Variants in PAWR observed in about 807,000 individuals in gnomAD.
PAWR encodes pro-apoptotic WT1 regulator.
Under a neutral mutation model 32.0 loss-of-function variants are expected in PAWR, and 23 were observed. The ratio of observed to expected loss-of-function variants is 0.72; its 90% CI spans 0.52 to 1.02. The LOEUF (loss-of-function observed/expected upper bound fraction) is 1.02, where lower values mean the gene tolerates loss of function less well. Ranked by LOEUF, PAWR falls within the 50% of genes least tolerant of loss-of-function variation. The pLI, the probability that PAWR is intolerant of heterozygous loss-of-function variation, is 0.00. For synonymous variants in PAWR, 226 were observed against 187.1 expected (o/e 1.21, Z -1.70); for missense variants, 457 against 437.7 (o/e 1.04, Z -0.39).
intron 4 of PAWR, among the ~76,000 whole-genome samples, chr12:79,611,539 A>G (rs1874442323): frequency 6.6e-6 from 1 of 151,958 alleles, no homozygotes; most frequent in Non-Finnish European, 1.5e-5. Flanking sequence ...AACTGTTGAT[A>G]TAAAGTATAA....
In PAWR at chr12:79,690,181, C is replaced by T; in HGVS notation, c.64G>A (p.Glu22Lys). Reference protein sequence around the residue: ...LGGSTTDFLEEWKAKREKMRA... With the variant: ...LGGSTTDFLEKWKAKREKMRA... ...ATCTTCTCGCGTTTCGCCTTCCACTCCTCCAGGAAGTCTGTGGTGCTGCCG... is the reference window on the plus strand; with the variant it reads ...ATCTTCTCGCGTTTCGCCTTCCACTTCTCCAGGAAGTCTGTGGTGCTGCCG... Residue 22 changes from glutamate to lysine, a missense_variant, in exon 2 of 7, where the codon GAG (glutamate) becomes AAG (lysine). Physicochemically the swap from Glu to Lys is moderately conservative, Grantham distance 56 (BLOSUM62 1). Transcript: ENST00000328827. The T allele has an allele frequency of 1.3e-6, 2 of 1,532,836 alleles. No homozygotes were observed. The highest frequency in any genetic ancestry group is 1.7e-6 in the Non-Finnish European group (2 of 1,143,212). The allele number at this position is 1,532,836 out of a possible 1,614,324, so 95.0% of individuals were successfully genotyped here.
intron 4 of PAWR, among the ~76,000 whole-genome samples, chr12:79,610,430 C>T (rs1264651777): frequency 6.6e-6 from 1 of 151,784 alleles, no homozygotes; most frequent in Non-Finnish European, 1.5e-5. Flanking sequence ...AAATTCTGAC[C>T]CTGAAGAAAA....
At chr12:79,614,248 G>A (rs1408059480) in intron 3 of PAWR, among the ~76,000 whole-genome samples, 2 of 151,246 alleles carry the variant, frequency 1.3e-5, no homozygotes, top group African/African-American at 4.9e-5. Flanking sequence ...GACCTCGGGT[G>A]ATCCGTCCAC....
chr12:79,680,695 A>G (rs1023493269), intron 2 of PAWR, among the ~76,000 whole-genome samples: 5 of 152,164 alleles, frequency 3.3e-5, no homozygotes, highest in African/African-American at 9.7e-5. Context: ...CAGTGAAATC[A>G]AAGGTTATAG....
intron 4 of PAWR, among the ~76,000 whole-genome samples, chr12:79,597,290 CTT>C (rs1873799963): frequency 6.6e-6 from 1 of 152,072 alleles, no homozygotes; most frequent in African/African-American, 2.4e-5. Context: ...GTCTCAAACT[CTT>C]GGGCTCAAGC....
At chr12:79,624,642 T>C (rs1875190871) in intron 2 of PAWR, among the ~76,000 whole-genome samples, 1 of 152,192 alleles carries the variant, frequency 6.6e-6, no homozygotes. Context: ...ACAAGCATCC[T>C]AGAAATTCTT....
chr12:79,609,419 G>A (rs564139894), intron 4 of PAWR, among the ~76,000 whole-genome samples: 6 of 152,202 alleles, frequency 3.9e-5, no homozygotes, highest in African/African-American at 1.4e-4. Flanking sequence ...GTCCTGGTGA[G>A]GGTCCCACCC....
chr12:79,659,967 T>C (rs1267524925), intron 2 of PAWR, among the ~76,000 whole-genome samples: 2 of 152,192 alleles, frequency 1.3e-5, no homozygotes, highest in East Asian at 3.8e-4. Context: ...AAGTAACTAT[T>C]ATACTAGACA....
intron 2 of PAWR, among the ~76,000 whole-genome samples, chr12:79,668,930 A>T (rs1184828660): frequency 1.3e-5 from 2 of 152,054 alleles, no homozygotes; most frequent in Non-Finnish European, 2.9e-5. Flanking sequence ...CATCCCAATC[A>T]AATACAAACA....
At chr12:79,627,441 G>GT (rs1484254917) in intron 2 of PAWR, among the ~76,000 whole-genome samples, 4 of 151,952 alleles carry the variant, frequency 2.6e-5, no homozygotes, top group African/African-American at 9.7e-5. Context: ...GGGGTTGTTT[G>GT]TTTTTTTCTT....
chr12:79,655,071 T>C (rs1484022528), intron 2 of PAWR, among the ~76,000 whole-genome samples: 4 of 152,180 alleles, frequency 2.6e-5, no homozygotes, highest in Non-Finnish European at 4.4e-5. Context: ...GTTAAGGAAA[T>C]AAGAGAAAGT....
chr12:79,675,151 T>C (rs1592551604), intron 2 of PAWR, among the ~76,000 whole-genome samples: 1 of 151,968 alleles, frequency 6.6e-6, no homozygotes, highest in Admixed American at 6.6e-5. Context: ...CCAAGGCGGG[T>C]GGATCGCTTG....
At chr12:79,662,103 A>T (rs1167973730) in intron 2 of PAWR, among the ~76,000 whole-genome samples, 1 of 149,474 alleles carries the variant, frequency 6.7e-6, no homozygotes, top group African/African-American at 2.5e-5. Context: ...GCACAGTGGC[A>T]TGTGCCTGTG....
At chr12:79,613,932 T>C (rs1170924820) in intron 3 of PAWR, among the ~76,000 whole-genome samples, 2 of 3,438 alleles carry the variant, frequency 5.8e-4, no homozygotes, top group Admixed American at 3.8e-3. Flanking sequence ...GTACCACCAT[T>C]ATATATATAT....
rs78795795 is a variant in PAWR at position 79,656,420 on chromosome 12, C to T, written c.516+33309G>A. On this transcript the variant is annotated intron_variant, in intron 2 of 6. Coordinates refer to ENST00000328827, the MANE Select transcript of PAWR (RefSeq NM_002583.4). Reference sequence around the variant, plus strand: ...ATCTAGAACTAAAATTGACAACATACGGTGAATGGATGCGTAACATGGGGG... The same window carrying T: ...ATCTAGAACTAAAATTGACAACATATGGTGAATGGATGCGTAACATGGGGG... Among the ~76,000 whole-genome samples the T allele has an allele frequency of 6.1e-3, 921 of 152,060 alleles. 20 individuals are homozygous for T. Among genetic ancestry groups the T allele is most frequent in the Admixed American group, 0.036 (553 of 15,266 alleles).
chr12:79,689,917 C>A lies in PAWR; in HGVS notation c.328G>T (p.Asp110Tyr), dbSNP rs1215764177. 7.0e-7 allele frequency: 1 copy of A among 1,431,214 alleles called. No homozygotes were observed. The highest frequency in any genetic ancestry group is 9.1e-7 in the Non-Finnish European group (1 of 1,097,396). 88.7% of individuals were successfully genotyped at this position (1,431,214 alleles called of 1,614,324 possible). The part of the protein sequence containing the change: ...RAAPGPRRSE[D>Y]EPPAASASAA... ...GAGGCAGAGGCGGCTGGGGGCTCGTCCTCCGACCGCCGCGGGCCGGGGGCC... is the reference window on the plus strand; with the variant it reads ...GAGGCAGAGGCGGCTGGGGGCTCGTACTCCGACCGCCGCGGGCCGGGGGCC... The change falls in exon 2 of 7, where the codon GAC becomes TAC. Residue 110 changes from aspartate to tyrosine, a missense_variant. Coordinates refer to ENST00000328827, the MANE Select transcript of PAWR (RefSeq NM_002583.4).
At chr12:79,604,971 A>G (rs895300453) in intron 4 of PAWR, among the ~76,000 whole-genome samples, 4 of 152,146 alleles carry the variant, frequency 2.6e-5, no homozygotes, top group Admixed American at 2.0e-4. Context: ...TGAAAAATAT[A>G]TATCTCCTCC....
chr12:79,652,430 G>A (rs1876893207), intron 2 of PAWR, among the ~76,000 whole-genome samples: 1 of 152,210 alleles, frequency 6.6e-6, no homozygotes, highest in South Asian at 2.1e-4. Context: ...AACCTGAGAT[G>A]TGCGGATGTG....
rs537752943 is a variant in PAWR, at chr12:79,687,285, C to T, written c.516+2444G>A. Among the ~76,000 whole-genome samples, 5 of 152,232 alleles carry T rather than the reference C, an allele frequency of 3.3e-5. 1 individual carries two copies. The South Asian group carries it at 6.2e-4, about 19-fold the overall frequency. ...ACTATCTTCTAGTCAATTCTGGTAT[C>T]TTTAGCTGCTGTCAGATACCTTTAT... On this transcript the variant is annotated intron_variant, in intron 2 of 6. Coordinates refer to ENST00000328827, the MANE Select transcript of PAWR (RefSeq NM_002583.4).
Sources: allele counts gnomAD v4.1 joint callset (sites outside exome capture counted in the v4.1 genomes callset), GRCh38; gene constraint gnomAD v4.1.1; transcripts MANE v1.5; gene names NCBI Gene and HGNC (gene_info 2026-07-23, HGNC 2026-07-21).